Variants in RAB5A observed in about 807,000 individuals in gnomAD.
The protein encoded by RAB5A is ras-related protein Rab-5A.
In RAB5A, 8 loss-of-function variants were observed where a neutral mutation model predicts 25.7. The observed-to-expected ratio is 0.31, with a 90% CI of 0.18 to 0.56. RAB5A has a LOEUF of 0.56. Ranked by LOEUF, RAB5A falls within the 20% of genes least tolerant of loss-of-function variation. The probability of loss-of-function intolerance (pLI) is 0.91; values close to 1 mark genes in which losing one functional copy is unlikely to be tolerated. For synonymous variants in RAB5A, 98 were observed against 89.8 expected (o/e 1.09, Z -0.52); for missense variants, 192 against 259.7 (o/e 0.74, Z 1.79).
At chr3:19,965,983 C>T (rs1252226473) in intron 2 of RAB5A, among the ~76,000 whole-genome samples, 1 of 152,190 alleles carries the variant, frequency 6.6e-6, no homozygotes, top group East Asian at 1.9e-4. Flanking sequence ...CCGCCTGGGC[C>T]TCCCAAAGTG....
intron 5 of RAB5A, 101 bp downstream of exon 5, chr3:19,978,504 T>A: frequency 2.7e-6 from 2 of 747,284 alleles, no homozygotes; most frequent in Non-Finnish European, 4.7e-6. Context: ...TGGGGGTGGG[T>A]TTGTGTGTAT....
rs570500683 is a variant in RAB5A, at chr3:19,958,581, C to T, written c.163+7520C>T. 1.6e-4 allele frequency among the ~76,000 whole-genome samples: 25 copies of T among 152,256 alleles called. No homozygotes were observed. The East Asian group carries it at 2.7e-3, about 16-fold the overall frequency. ...CTTGTAGGCCAGGTGTGGTGGCTCA[C>T]GCCTGTAATCCCAACACTTTGGAAG... On this transcript the variant is annotated intron_variant, in intron 2 of 5. Coordinates refer to ENST00000273047, the MANE Select transcript of RAB5A (RefSeq NM_004162.5).
At chr3:19,956,970 C>G (rs1282317100) in intron 2 of RAB5A, among the ~76,000 whole-genome samples, 1 of 145,602 alleles carries the variant, frequency 6.9e-6, no homozygotes, top group African/African-American at 2.5e-5. Context: ...TTTTAAACAG[C>G]CTGCTCTGTT....
At chr3:19,952,556 C>T (rs1696439032) in intron 2 of RAB5A, among the ~76,000 whole-genome samples, 1 of 152,310 alleles carries the variant, frequency 6.6e-6, no homozygotes. Flanking sequence ...TAATCTTAGA[C>T]CCATTCTAGT....
At chr3:19,965,218 G>A (rs967205343) in intron 2 of RAB5A, among the ~76,000 whole-genome samples, 1 of 152,094 alleles carries the variant, frequency 6.6e-6, no homozygotes, top group South Asian at 2.1e-4. Context: ...CACTGTGCCC[G>A]GCCCTAAGAT....
chr3:19,958,053 A>G (rs185635608), intron 2 of RAB5A, among the ~76,000 whole-genome samples: 170 of 152,290 alleles, frequency 1.1e-3, no homozygotes, highest in African/African-American at 4.0e-3. Flanking sequence ...GCATTTATTT[A>G]ATGTGCTTTT....
chr3:19,949,480 G>A (rs985187210), intron 1 of RAB5A, among the ~76,000 whole-genome samples: 1 of 152,064 alleles, frequency 6.6e-6, no homozygotes, highest in African/African-American at 2.4e-5. Context: ...GGATTTACCG[G>A]TATAAGCCAC....
intron 2 of RAB5A, among the ~76,000 whole-genome samples, chr3:19,956,946 CTTT>C (rs748433119): frequency 7.4e-6 from 1 of 135,212 alleles, no homozygotes; most frequent in Non-Finnish European, 1.6e-5. Context: ...GTTTTTTTTC[CTTT>C]TTTTTTTTTT....
At chr3:19,978,034 C>G (rs895359233) in intron 4 of RAB5A, among the ~76,000 whole-genome samples, 1 of 152,128 alleles carries the variant, frequency 6.6e-6, no homozygotes, top group African/African-American at 2.4e-5. Context: ...ATCTCTGGAA[C>G]TCAGTATTTG....
At chr3:19,976,783 C>G (rs910767197) in intron 4 of RAB5A, among the ~76,000 whole-genome samples, 2 of 152,168 alleles carry the variant, frequency 1.3e-5, no homozygotes, top group African/African-American at 4.8e-5. Context: ...TACTTTATGT[C>G]CTAACCCTCT....
At chr3:19,964,818 G>A (rs1245320685) in intron 2 of RAB5A, among the ~76,000 whole-genome samples, 1 of 152,090 alleles carries the variant, frequency 6.6e-6, no homozygotes, top group African/African-American at 2.4e-5. Context: ...CACCATGTTG[G>A]CCGGGCTGGT....
At chr3:19,961,862 CTTT>C (rs1401690076) in intron 2 of RAB5A, among the ~76,000 whole-genome samples, 1 of 152,170 alleles carries the variant, frequency 6.6e-6, no homozygotes, top group African/African-American at 2.4e-5. Context: ...CTGTAATACA[CTTT>C]TTATTTTTCA....
chr3:19,971,289 G>C (rs891517356), intron 2 of RAB5A, among the ~76,000 whole-genome samples: 1 of 151,350 alleles, frequency 6.6e-6, no homozygotes, highest in Non-Finnish European at 1.5e-5. Context: ...TGTATATCAA[G>C]AGTTTATTAT....
In RAB5A at chr3:19,972,502, AATTG is replaced by A. The variant is rs72287771; in HGVS notation, c.164-3095_164-3092del. On this transcript the variant is annotated intron_variant, in intron 2 of 5. Coordinates refer to ENST00000273047, the MANE Select transcript of RAB5A (RefSeq NM_004162.5). The stretch of plus-strand genomic sequence containing the variant: ...GGTTTCTAAGCAGAGTTGAGGAATG[AATTG>A]ATTATCTTCTTTGTTAATCTGAATG... Among the ~76,000 whole-genome samples the A allele has an allele frequency of 6.2e-3, 949 of 152,306 alleles. 11 individuals are homozygous for A. Among genetic ancestry groups the A allele is most frequent in the African/African-American group, 0.021 (861 of 41,568 alleles).
At chr3:19,973,964 A>G (rs1214704897) in intron 2 of RAB5A, among the ~76,000 whole-genome samples, 1 of 152,176 alleles carries the variant, frequency 6.6e-6, no homozygotes, top group Non-Finnish European at 1.5e-5. Flanking sequence ...TTTGCATAAT[A>G]TGACAGTTTT....
At chr3:19,951,170 A>G in intron 2 of RAB5A, 109 bp downstream of exon 2, 1 of 1,273,844 alleles carries the variant, frequency 7.9e-7, no homozygotes, top group Non-Finnish European at 1.1e-6. Flanking sequence ...TCATAGAGTG[A>G]AGAAAAGAGC....
In RAB5A at chr3:19,953,438, GTC is replaced by G. The variant is rs375440046; in HGVS notation, c.163+2381_163+2382del. 2.5e-3 allele frequency among the ~76,000 whole-genome samples: 364 copies of G among 144,570 alleles called. 19 individuals carry two copies. In the South Asian group the frequency reaches 0.072, roughly 28 times the overall value. The allele number at this position is 144,570 out of a possible 152,430, so 94.8% of individuals were successfully genotyped here. A position where few individuals can be genotyped will look rare whatever the true frequency, so the allele number is the denominator to read the frequency against. On this transcript the variant is annotated intron_variant, in intron 2 of 5. Transcript: ENST00000273047. ...TTTTTTTTTTTTTTTTGGAGACAAG[GTC>G]TCTGTCGCCCAGGCTGGAGTGCAGT...
chr3:19,978,920 A>T (rs1696869919), intron 5 of RAB5A: 1 of 152,078 alleles, frequency 6.6e-6, no homozygotes, highest in Admixed American at 6.6e-5. Context: ...CAACATCCAT[A>T]CTTTATATTA....
intron 4 of RAB5A, among the ~76,000 whole-genome samples, chr3:19,976,740 T>G (rs1247808078): frequency 6.6e-6 from 1 of 152,158 alleles, no homozygotes; most frequent in Non-Finnish European, 1.5e-5. Context: ...CAGAAAGTGA[T>G]TGTATCCTGC....
Sources: gnomAD v4.1 joint callset for allele counts (sites outside exome capture counted in the v4.1 genomes callset) on GRCh38, gnomAD v4.1.1 for gene constraint, MANE v1.5 for transcripts, NCBI Gene and HGNC (gene_info 2026-07-23, HGNC 2026-07-21) for gene names.